ENOX1: variants seen among roughly 807,000 people sequenced by gnomAD.
The protein encoded by ENOX1 is ecto-NOX disulfide-thiol exchanger 1, also known as candidate growth-related and time keeping constitutive hydroquinone (NADH) oxidase.
In ENOX1, 42 loss-of-function variants were observed where a neutral mutation model predicts 82.5. That is an observed-to-expected ratio of 0.51 (90% CI 0.40 to 0.66). The LOEUF (loss-of-function observed/expected upper bound fraction) is 0.66. ENOX1 is among the 30% of genes least tolerant of loss of function. The pLI, the probability that ENOX1 is intolerant of heterozygous loss-of-function variation, is 0.00. For synonymous variants in ENOX1, 271 were observed against 282.2 expected, an observed-to-expected ratio of 0.96 and a Z score of 0.40; for missense variants, 608 against 811.6, an observed-to-expected ratio of 0.75 and a Z score of 3.05.
At chr13:43,742,962 A>G (rs1949826770) in intron 1 of ENOX1, among the ~76,000 whole-genome samples, 1 of 152,214 alleles carries the variant, frequency 6.6e-6, no homozygotes, top group Non-Finnish European at 1.5e-5. Flanking sequence ...CTTCTATCCT[A>G]GAAACAATTT....
At chr13:43,285,037 AG>A (rs1030935857) in intron 12 of ENOX1, among the ~76,000 whole-genome samples, 1 of 152,218 alleles carries the variant, frequency 6.6e-6, no homozygotes, top group Non-Finnish European at 1.5e-5. Flanking sequence ...TTGACCATGC[AG>A]GGTGTATTCA....
chr13:43,579,552 C>A (rs1175852853), intron 2 of ENOX1, among the ~76,000 whole-genome samples: 1 of 152,156 alleles, frequency 6.6e-6, no homozygotes, highest in Non-Finnish European at 1.5e-5. Flanking sequence ...TCCATACTTG[C>A]AGAACTTCCT....
chr13:43,772,472 G>A (rs1951689192), intron 1 of ENOX1, among the ~76,000 whole-genome samples: 1 of 152,108 alleles, frequency 6.6e-6, no homozygotes, highest in African/African-American at 2.4e-5. Context: ...CAATCCTACA[G>A]AGCATAAAAA....
At chr13:43,431,637 C>T (rs2055670639) in intron 3 of ENOX1, among the ~76,000 whole-genome samples, 2 of 152,294 alleles carry the variant, frequency 1.3e-5, no homozygotes, top group South Asian at 4.1e-4. Flanking sequence ...TAGACACACA[C>T]CCTTCCCTCC....
intron 2 of ENOX1, among the ~76,000 whole-genome samples, chr13:43,574,318 C>T (rs986223690): frequency 2.6e-5 from 4 of 152,088 alleles, no homozygotes; most frequent in Admixed American, 2.0e-4. Context: ...GTTATAAAGA[C>T]GGTAATCAGG....
chr13:43,710,553 C>G (rs1338578387), intron 1 of ENOX1, among the ~76,000 whole-genome samples: 1 of 151,950 alleles, frequency 6.6e-6, no homozygotes, highest in African/African-American at 2.4e-5. Context: ...CTACTTCAGG[C>G]CAACACTATG....
At chr13:43,306,955 G>A (rs1390680119) in intron 11 of ENOX1, among the ~76,000 whole-genome samples, 1 of 152,200 alleles carries the variant, frequency 6.6e-6, no homozygotes, top group African/African-American at 2.4e-5. Flanking sequence ...TCAGTTCTAT[G>A]CATTGCTCTT....
chr13:43,228,978 G>A (rs544176594), intron 15 of ENOX1, among the ~76,000 whole-genome samples: 35 of 152,204 alleles, frequency 2.3e-4, no homozygotes, highest in Non-Finnish European at 4.3e-4. Flanking sequence ...AAATCTCATT[G>A]AATTATAGCT....
intron 11 of ENOX1, among the ~76,000 whole-genome samples, chr13:43,303,988 G>C (rs555106443): frequency 2.0e-5 from 3 of 152,312 alleles, no homozygotes; most frequent in East Asian, 3.9e-4. Context: ...AAATGCTTCT[G>C]AAAGAACCAC....
At chr13:43,558,058 C>A (rs971198557) in intron 2 of ENOX1, among the ~76,000 whole-genome samples, 2 of 152,174 alleles carry the variant, frequency 1.3e-5, no homozygotes, top group African/African-American at 4.8e-5. Context: ...ATGAGAGCTG[C>A]ACCATGAGTA....
chr13:43,265,028 C>T (rs1270816582), intron 14 of ENOX1, among the ~76,000 whole-genome samples: 1 of 152,160 alleles, frequency 6.6e-6, no homozygotes, highest in Non-Finnish European at 1.5e-5. Flanking sequence ...GTACCACCTT[C>T]GCTGGCAGGC....
intron 1 of ENOX1, among the ~76,000 whole-genome samples, chr13:43,747,864 G>GAA (rs1950111322): frequency 6.6e-6 from 1 of 152,120 alleles, no homozygotes; most frequent in Non-Finnish European, 1.5e-5. Flanking sequence ...AATTCAGATG[G>GAA]AAAAAAATCA....
At chr13:43,566,475 C>A (rs1176403738) in intron 2 of ENOX1, among the ~76,000 whole-genome samples, 1 of 151,758 alleles carries the variant, frequency 6.6e-6, no homozygotes. Context: ...AAGATGAACA[C>A]CCAGGACAAA....
At chr13:43,720,851 T>A (rs1190849734) in intron 1 of ENOX1, among the ~76,000 whole-genome samples, 1 of 152,134 alleles carries the variant, frequency 6.6e-6, no homozygotes. Flanking sequence ...ACATATTACA[T>A]TTATGACTAA....
intron 3 of ENOX1, among the ~76,000 whole-genome samples, chr13:43,448,873 G>T (rs1341005744): frequency 2.6e-5 from 4 of 152,204 alleles, no homozygotes; most frequent in African/African-American, 9.6e-5. Flanking sequence ...TTTAAAACGG[G>T]TAACATACCT....
intron 5 of ENOX1, among the ~76,000 whole-genome samples, chr13:43,407,462 T>C (rs1428109592): frequency 1.3e-5 from 2 of 152,228 alleles, no homozygotes; most frequent in Non-Finnish European, 2.9e-5. Context: ...AGTTCTGGGA[T>C]ACAGAATGTA....
At chr13:43,749,647 A>T (rs1452999817) in intron 1 of ENOX1, among the ~76,000 whole-genome samples, 8 of 152,204 alleles carry the variant, frequency 5.3e-5, no homozygotes, top group Admixed American at 5.2e-4. Flanking sequence ...CTACACAACC[A>T]CTGATCTCTG....
chr13:43,769,176 T>C (rs573840705), intron 1 of ENOX1, among the ~76,000 whole-genome samples: 3 of 152,290 alleles, frequency 2.0e-5, no homozygotes, highest in Admixed American at 2.0e-4. Context: ...GAGGATTGAA[T>C]AGGATGACAT....
chr13:43,388,300 A>G (rs545034297), intron 5 of ENOX1, among the ~76,000 whole-genome samples: 1 of 152,292 alleles, frequency 6.6e-6, no homozygotes, highest in Non-Finnish European at 1.5e-5. Flanking sequence ...CCAACGAGCA[A>G]ATCAGAACAA....
Sources: allele counts gnomAD v4.1 joint callset (sites outside exome capture counted in the v4.1 genomes callset), GRCh38; gene constraint gnomAD v4.1.1; transcripts MANE v1.5; gene names NCBI Gene and HGNC (gene_info 2026-07-23, HGNC 2026-07-21).